The following PGM5 variants were observed in gnomAD, a reference collection of about 807,000 sequenced individuals.
PGM5 encodes phosphoglucomutase-like protein 5.
Under a neutral mutation model 59.2 loss-of-function variants are expected in PGM5, and 23 were observed. The observed-to-expected ratio is 0.39, with a 90% CI of 0.28 to 0.55. The LOEUF is 0.55. Ranked by LOEUF, PGM5 falls within the 20% of genes least tolerant of loss-of-function variation. The pLI is 0.66. For missense variants in PGM5, 574 were observed against 748.3 expected, an observed-to-expected ratio of 0.77 and a Z score of 2.72; for synonymous variants, 214 against 286.0, an observed-to-expected ratio of 0.75 and a Z score of 2.54.
intron 1 of PGM5, 73 bp from the exon 2 acceptor site, chr9:68,378,126 C>G: frequency 8.4e-7 from 1 of 1,187,294 alleles, no homozygotes; most frequent in Non-Finnish European, 1.1e-6. Flanking sequence ...GTTAACAGAG[C>G]CTGGGGCACT....
At chr9:68,501,999 T>A (rs1824581220) in intron 10 of PGM5, among the ~76,000 whole-genome samples, 1 of 152,258 alleles carries the variant, frequency 6.6e-6, no homozygotes, top group Admixed American at 6.5e-5. Flanking sequence ...TCCATTTGCA[T>A]CCTTTTGTAG....
At chr9:68,528,219 G>T (rs571536449) in intron 10 of PGM5, among the ~76,000 whole-genome samples, 1 of 151,984 alleles carries the variant, frequency 6.6e-6, no homozygotes, top group Non-Finnish European at 1.5e-5. Flanking sequence ...ATATTAATAG[G>T]TGTCTTTATT....
chr9:68,364,593 T>C, intron 1 of PGM5, among the ~76,000 whole-genome samples: 1 of 152,246 alleles, frequency 6.6e-6, no homozygotes, highest in East Asian at 1.9e-4. Context: ...ATTAGAAGAC[T>C]TGAATGAGCC....
rs372151374 is a variant in PGM5 at position 68,484,580 on chromosome 9, A to C, written c.1479+532A>C. Among the ~76,000 whole-genome samples the C allele has an allele frequency of 6.0e-3, 835 of 138,294 alleles. 8 individuals are homozygous for C. Among genetic ancestry groups the C allele is most frequent in the African/African-American group, 0.022 (771 of 35,846 alleles). The allele number at this position is 138,294 out of a possible 152,430, so 90.7% of individuals were successfully genotyped here. Reference sequence around the variant, plus strand: ...CACACACACACACACACACACACAAAACAAAACAAACAAAAAACAAAAAAA... The same window carrying C: ...CACACACACACACACACACACACAACACAAAACAAACAAAAAACAAAAAAA... On this transcript the variant is annotated intron_variant, in intron 9 of 10. Transcript: ENST00000396396.
chr9:68,495,097 G>T (rs1178657223), intron 9 of PGM5, among the ~76,000 whole-genome samples: 1 of 152,184 alleles, frequency 6.6e-6, no homozygotes, highest in Non-Finnish European at 1.5e-5. Context: ...TCCTCCCAGA[G>T]CTTGTTAGCT....
chr9:68,376,393 G>C (rs1821884001), intron 1 of PGM5, among the ~76,000 whole-genome samples: 2 of 150,994 alleles, frequency 1.3e-5, no homozygotes, highest in Non-Finnish European at 2.9e-5. Flanking sequence ...TTTATAATCT[G>C]TCTCCTCTGC....
intron 10 of PGM5, among the ~76,000 whole-genome samples, chr9:68,522,513 C>T (rs1824914413): frequency 6.6e-6 from 1 of 152,044 alleles, no homozygotes; most frequent in Non-Finnish European, 1.5e-5. Flanking sequence ...ACTGGCGTAG[C>T]GAGGAAGTTA....
chr9:68,497,135 C>T (rs1434386507), intron 9 of PGM5: 3 of 152,164 alleles, frequency 2.0e-5, no homozygotes, highest in African/African-American at 7.2e-5. Context: ...TGTAGACAGT[C>T]AGTAATTGCT....
rs1201743303 is a variant in PGM5 at position 68,357,223 on chromosome 9, C to T, written c.96C>T (p.Gly32=). Residue 32 remains glycine, a synonymous_variant, in exon 1 of 11, where the codon GGC becomes GGT. Transcript: ENST00000396396. ...GCGGGGGTCTGCGGCGACCCACCGG[C>T]CTCTTCGAGGGCCAGCGCAACTACC... is the stretch of plus-strand genomic sequence containing the variant. ...AGGGGLRRPT[G]LFEGQRNYLP... 6 of 1,541,372 alleles carry T rather than the reference C, an allele frequency of 3.9e-6. No homozygotes were observed. In the East Asian group the frequency reaches 1.5e-4, roughly 38 times the overall value.
intron 6 of PGM5, chr9:68,405,943 G>A (rs1315807761): frequency 6.6e-6 from 1 of 152,288 alleles, no homozygotes; most frequent in African/African-American, 2.4e-5. Flanking sequence ...CAAGGATAGA[G>A]CTGGGGAGTG....
chr9:68,366,306 CAG>C (rs1762027424), intron 1 of PGM5, among the ~76,000 whole-genome samples: 1 of 152,020 alleles, frequency 6.6e-6, no homozygotes, highest in African/African-American at 2.4e-5. Context: ...ATATGTTCAA[CAG>C]AGAACAGGTA....
intron 1 of PGM5, 51 bp downstream of exon 1, chr9:68,357,439 T>C (rs1554675855): frequency 1.3e-6 from 2 of 1,536,692 alleles, no homozygotes; most frequent in African/African-American, 1.4e-5. Context: ...CCATGCCCTC[T>C]CCTAGCCCTT....
intron 6 of PGM5, among the ~76,000 whole-genome samples, chr9:68,393,641 T>A (rs542364010): frequency 6.6e-6 from 1 of 152,030 alleles, no homozygotes; most frequent in Admixed American, 6.6e-5. Flanking sequence ...CCACACCAAA[T>A]GTTGATTAGG....
At chr9:68,472,044 G>A (rs1424673766) in intron 7 of PGM5, among the ~76,000 whole-genome samples, 1 of 152,054 alleles carries the variant, frequency 6.6e-6, no homozygotes, top group Non-Finnish European at 1.5e-5. Flanking sequence ...AAGCATGTCA[G>A]CTGGCTGGCC....
rs571097261 is a variant in PGM5 at position 68,493,332 on chromosome 9, C to A, written c.1480-5895C>A. ...TATTTATCAAACATTTATCAGATAC[C>A]TACTCTACATAAGGCTCTGTGTCAG... is the stretch of plus-strand genomic sequence containing the variant. On this transcript the variant is annotated intron_variant, in intron 9 of 10. Transcript: ENST00000396396. 2.6e-4 allele frequency among the ~76,000 whole-genome samples: 40 copies of A among 152,224 alleles called. 1 individual carries two copies. The South Asian group carries it at 6.6e-3, about 25-fold the overall frequency.
chr9:68,453,192 T>C (rs1554684523), intron 6 of PGM5, among the ~76,000 whole-genome samples: 2 of 152,240 alleles, frequency 1.3e-5, no homozygotes, highest in Non-Finnish European at 2.9e-5. Context: ...AGTCCACTTT[T>C]ACCATAGTCT....
chr9:68,466,272 T>TTC, intron 7 of PGM5: 1 of 702,608 alleles, frequency 1.4e-6, no homozygotes, highest in Non-Finnish European at 1.8e-6. Flanking sequence ...TACTGTGTGT[T>TTC]TTTTTTTTTT....
intron 1 of PGM5, among the ~76,000 whole-genome samples, chr9:68,377,092 A>G (rs1554677849): frequency 6.6e-6 from 1 of 151,650 alleles, no homozygotes; most frequent in Admixed American, 6.6e-5. Flanking sequence ...ATGCTCAGCT[A>G]ATTTTTGTAT....
rs764928411 is a variant in PGM5 at position 68,529,698 on chromosome 9, G to C, written c.*42G>C. On this transcript the variant is annotated 3_prime_UTR_variant, in exon 11 of 11. Coordinates refer to ENST00000396396, the MANE Select transcript of PGM5 (RefSeq NM_021965.4). ...TCACCAGGGCCAAAGAGAGTGCTCA[G>C]CGGGAGATGCTTCACTGATGCCTTC... 1.6e-6 allele frequency: 2 copies of C among 1,242,640 alleles called. No homozygotes were observed. Among genetic ancestry groups the C allele is most frequent in the South Asian group, 2.7e-5 (2 of 73,696 alleles). The allele number at this position is 1,242,640 out of a possible 1,614,324, so 77.0% of individuals were successfully genotyped here.
Sources: allele counts gnomAD v4.1 joint callset (sites outside exome capture counted in the v4.1 genomes callset), GRCh38; gene constraint gnomAD v4.1.1; transcripts MANE v1.5; gene names NCBI Gene and HGNC (gene_info 2026-07-23, HGNC 2026-07-21).